Variants in ATXN3 observed in about 807,000 individuals in gnomAD.
ATXN3 encodes ataxin-3.
Under a neutral mutation model 58.2 loss-of-function variants are expected in ATXN3, and 28 were observed. The observed-to-expected ratio is 0.48, with a 90% CI of 0.36 to 0.66. The LOEUF (loss-of-function observed/expected upper bound fraction) is 0.66. ATXN3 is among the 30% of genes least tolerant of loss of function. ATXN3 has a pLI of 0.00. For synonymous variants in ATXN3, 113 were observed against 138.5 expected (o/e 0.82, Z 1.29); for missense variants, 321 against 422.1 (o/e 0.76, Z 2.10).
In ATXN3 at chr14:92,088,879, T is replaced by C. The variant is rs1035883922; in HGVS notation, c.388-62A>G. Reference sequence around the variant, plus strand: ...TTATAGGTAATAAGGAAGTTTCACATGTTAAGAATAGATACAACCCATCAA... The same window carrying C: ...TTATAGGTAATAAGGAAGTTTCACACGTTAAGAATAGATACAACCCATCAA... On this transcript the variant is annotated intron_variant, in intron 5 of 10. Transcript: ENST00000644486. 11 of 926,720 alleles carry C rather than the reference T, an allele frequency of 1.2e-5. No homozygotes were observed. The African/African-American group carries it at 1.8e-4, about 15-fold the overall frequency. The allele number at this position is 926,720 out of a possible 1,614,324, so 57.4% of individuals were successfully genotyped here.
exon 1 of ATXN3, chr14:92,049,703 G>A (rs533021804): frequency 2.4e-4 from 39 of 162,044 alleles, no homozygotes; most frequent in Non-Finnish European, 4.1e-4. Flanking sequence ...CAGGGGACCC[G>A]TCTCCTGAAG....
At chr14:92,099,587 G>C (rs2066249598) in intron 1 of ATXN3, among the ~76,000 whole-genome samples, 1 of 152,174 alleles carries the variant, frequency 6.6e-6, no homozygotes, top group South Asian at 2.1e-4. Context: ...AAATAGCCAA[G>C]GCTGGCTGCG....
rs544002893 is a variant in ATXN3 at position 92,067,856 on chromosome 14, G to C, written c.991+3079C>G. Among the ~76,000 whole-genome samples, 21 of 152,348 alleles carry C rather than the reference G, an allele frequency of 1.4e-4. No homozygotes were observed. In the South Asian group the frequency reaches 4.3e-3, roughly 32 times the overall value. The stretch of plus-strand genomic sequence containing the variant: ...ACAACCAGAGGGGAGTGAAAGTCCA[G>C]GTTTCTTCAAGGCCTGTGATGTCAA... On this transcript the variant is annotated intron_variant, in intron 10 of 10. Coordinates refer to ENST00000644486, the MANE Select transcript of ATXN3 (RefSeq NM_004993.6).
chr14:92,072,985 T>C (rs1456261467), intron 9 of ATXN3, among the ~76,000 whole-genome samples: 1 of 152,244 alleles, frequency 6.6e-6, no homozygotes, highest in Non-Finnish European at 1.5e-5. Flanking sequence ...GCATGGCTAA[T>C]GATGCACGTA....
At chr14:92,103,537 G>A (rs2067360586) in intron 1 of ATXN3, among the ~76,000 whole-genome samples, 1 of 152,006 alleles carries the variant, frequency 6.6e-6, no homozygotes, top group South Asian at 2.1e-4. Context: ...CCAGACTCAT[G>A]CAATCCTCCC....
At chr14:92,074,560 C>CT (rs1167450836) in intron 9 of ATXN3, among the ~76,000 whole-genome samples, 14 of 152,204 alleles carry the variant, frequency 9.2e-5, no homozygotes, top group Non-Finnish European at 1.9e-4. Context: ...CCTCATTACC[C>CT]ATTGTCCCAA....
rs751329134 is a variant in ATXN3 at position 92,082,340 on chromosome 14, C to G, written c.735G>C (p.Glu245Asp). 3 of 1,614,140 alleles carry G rather than the reference C, an allele frequency of 1.9e-6. No individual in the cohort carries two copies. The highest frequency in any genetic ancestry group is 2.5e-6 in the Non-Finnish European group (3 of 1,180,030). Residue 245 changes from glutamate (E) to aspartate (D), a missense_variant, in exon 8 of 11, where the codon GAG becomes GAC. Glu to Asp is a conservative substitution (Grantham distance 45). Transcript: ENST00000644486. The stretch of plus-strand genomic sequence containing the variant: ...GAATAGCCCTGCGGAGATCTGCTTC[C>G]TCATCTTCCATGTCAATTTCTTGGC... ...LSRQEIDMEDEEADLRRAIQL... is the reference protein window; with the variant it reads ...LSRQEIDMEDDEADLRRAIQL...
chr14:92,083,412 C>A, intron 6 of ATXN3, 154 bp from the exon 7 acceptor site: 1 of 814,668 alleles, frequency 1.2e-6, no homozygotes, highest in Non-Finnish European at 2.0e-6. Flanking sequence ...GATTCTTATA[C>A]TTACTAGTAA....
intron 3 of ATXN3, among the ~76,000 whole-genome samples, chr14:92,095,701 T>C (rs901650769): frequency 6.7e-6 from 1 of 150,060 alleles, no homozygotes; most frequent in African/African-American, 2.4e-5. Context: ...CTCACACCTG[T>C]AATCCCAGCA....
chr14:92,092,200 T>C (rs2063994081), intron 5 of ATXN3, among the ~76,000 whole-genome samples: 1 of 152,184 alleles, frequency 6.6e-6, no homozygotes, highest in South Asian at 2.1e-4. Flanking sequence ...TCTAGACTTT[T>C]AATAAATGAT....
At chr14:92,086,208 GACC>G (rs892650017) in intron 6 of ATXN3, among the ~76,000 whole-genome samples, 30 of 133,870 alleles carry the variant, frequency 2.2e-4, no homozygotes, top group African/African-American at 7.3e-4. Flanking sequence ...AGGAATTCGA[GACC>G]AACCTGGCCA....
At chr14:92,092,834 T>C (rs990054633) in intron 5 of ATXN3, among the ~76,000 whole-genome samples, 1 of 142,356 alleles carries the variant, frequency 7.0e-6, no homozygotes, top group Non-Finnish European at 1.5e-5. Context: ...TCAGCAATCC[T>C]TTTTTTTTTT....
upstream of ATXN3, among the ~76,000 whole-genome samples, chr14:92,051,752 G>A: frequency 1.7e-5 from 1 of 58,902 alleles, no homozygotes; most frequent in South Asian, 7.8e-4. Context: ...TTTTGAGATG[G>A]GATCTCTCTC....
intron 6 of ATXN3, among the ~76,000 whole-genome samples, chr14:92,084,753 T>C (rs567673127): frequency 1.3e-5 from 2 of 151,856 alleles, no homozygotes; most frequent in Non-Finnish European, 2.9e-5. Flanking sequence ...TTAATGTTTG[T>C]ATTTTTAGGA....
downstream of ATXN3, among the ~76,000 whole-genome samples, chr14:92,056,615 T>C (rs1206731324): frequency 6.6e-6 from 1 of 152,064 alleles, no homozygotes; most frequent in Non-Finnish European, 1.5e-5. Flanking sequence ...GGAGGAAGGA[T>C]AGGGAGCCAT....
chr14:92,070,927 G>A lies in ATXN3; in HGVS notation c.991+8C>T, dbSNP rs1348784266. Reference sequence around the variant, plus strand: ...TAGCGAACATGATGAATGGTGAGCAGGCCTTACCTAGATCACTCCCAAGTG... The same window carrying A: ...TAGCGAACATGATGAATGGTGAGCAAGCCTTACCTAGATCACTCCCAAGTG... On this transcript the variant is annotated splice_region_variant and intron_variant, in intron 10 of 10. Coordinates refer to ENST00000644486, the MANE Select transcript of ATXN3 (RefSeq NM_004993.6). The A allele has an allele frequency of 1.2e-6, 2 of 1,613,118 alleles. No homozygotes were observed. Among genetic ancestry groups the A allele is most frequent in the Admixed American group, 3.3e-5 (2 of 59,860 alleles).
At chr14:92,056,382 T>C (rs919434289), downstream of ATXN3, among the ~76,000 whole-genome samples, 1 of 152,220 alleles carries the variant, frequency 6.6e-6, no homozygotes, top group Non-Finnish European at 1.5e-5. Flanking sequence ...CTTTGATGGA[T>C]AAATGAATAA....
At chr14:92,066,774 ATT>A (rs144833998) in intron 10 of ATXN3, among the ~76,000 whole-genome samples, 1 of 140,532 alleles carries the variant, frequency 7.1e-6, no homozygotes, top group African/African-American at 2.7e-5. Context: ...AGCCTGGATA[ATT>A]TTTTTTTTTT....
intron 7 of ATXN3, 111 bp from the exon 8 acceptor site, chr14:92,082,577 C>A (rs1696780423): frequency 9.6e-7 from 1 of 1,044,108 alleles, no homozygotes; most frequent in Admixed American, 2.8e-5. Context: ...AAAATGTTTT[C>A]TGGCAAATAA....
Sources: gnomAD v4.1 joint callset for allele counts (sites outside exome capture counted in the v4.1 genomes callset) on GRCh38, gnomAD v4.1.1 for gene constraint, MANE v1.5 for transcripts, NCBI Gene and HGNC (gene_info 2026-07-23, HGNC 2026-07-21) for gene names.